SAMTOR: variants seen among roughly 807,000 people sequenced by gnomAD.
SAMTOR encodes the protein S-adenosylmethionine sensor upstream of mTORC1.
the SAMTOR span, among the ~76,000 whole-genome samples, chr7:112,902,397 C>A: frequency 4.6e-5 from 3 of 65,926 alleles, no homozygotes; most frequent in Admixed American, 2.5e-4. Context: ...GCCTGGGCAA[C>A]AAGAGCAAAA....
the SAMTOR span, among the ~76,000 whole-genome samples, chr7:112,822,656 A>G: frequency 7.2e-5 from 11 of 152,242 alleles, no homozygotes; most frequent in African/African-American, 2.4e-4. Context: ...TGGGACTTAC[A>G]TGAATTTTAA....
At chr7:112,912,151 G>A in the SAMTOR span, among the ~76,000 whole-genome samples, 1 of 151,880 alleles carries the variant, frequency 6.6e-6, no homozygotes. Flanking sequence ...ACGGTGTTGT[G>A]GTTATGTAGA....
chr7:112,870,370 C>T, the SAMTOR span, among the ~76,000 whole-genome samples: 4 of 152,226 alleles, frequency 2.6e-5, no homozygotes, highest in South Asian at 2.1e-4. Flanking sequence ...ATTGGGCTCC[C>T]GCTCCCTGCC....
At chr7:112,896,082 A>G in the SAMTOR span, among the ~76,000 whole-genome samples, 1 of 152,204 alleles carries the variant, frequency 6.6e-6, no homozygotes, top group South Asian at 2.1e-4. Flanking sequence ...CAGAAGGAAT[A>G]GTAGTTGCAG....
chr7:112,858,067 G>T, the SAMTOR span, among the ~76,000 whole-genome samples: 1 of 152,128 alleles, frequency 6.6e-6, no homozygotes, highest in Non-Finnish European at 1.5e-5. Flanking sequence ...TAGGAGGCAG[G>T]ACCACCATTT....
the SAMTOR span, among the ~76,000 whole-genome samples, chr7:112,916,809 A>C: frequency 3.0e-4 from 45 of 152,202 alleles, 1 homozygote; most frequent in Non-Finnish European, 1.2e-4. Flanking sequence ...CCTGACTCGG[A>C]GGGTCCTACG....
At chr7:112,925,468 C>A in the SAMTOR span, among the ~76,000 whole-genome samples, 4 of 152,276 alleles carry the variant, frequency 2.6e-5, no homozygotes, top group East Asian at 5.8e-4. Flanking sequence ...AACATATTTT[C>A]TTTTCCTTTC....
chr7:112,923,985 T>A, the SAMTOR span, among the ~76,000 whole-genome samples: 1 of 150,480 alleles, frequency 6.6e-6, no homozygotes, highest in Non-Finnish European at 1.5e-5. Flanking sequence ...TAGGTGGGAA[T>A]TGAATAATGA....
At chr7:112,916,388 T>C in the SAMTOR span, among the ~76,000 whole-genome samples, 2 of 152,196 alleles carry the variant, frequency 1.3e-5, no homozygotes, top group Admixed American at 1.3e-4. Flanking sequence ...GTTAGGTTCT[T>C]ACACCCCATA....
the SAMTOR span, among the ~76,000 whole-genome samples, chr7:112,916,879 C>T: frequency 8.5e-5 from 13 of 152,298 alleles, no homozygotes; most frequent in African/African-American, 2.9e-4. Context: ...AAGGCGGCAG[C>T]GAGACTGGGG....
At chr7:112,911,085 G>A in the SAMTOR span, among the ~76,000 whole-genome samples, 7 of 152,102 alleles carry the variant, frequency 4.6e-5, no homozygotes, top group Non-Finnish European at 1.5e-5. Context: ...CTGGATTAAA[G>A]GGAAATGGCA....
chr7:112,889,812 C>T, the SAMTOR span, among the ~76,000 whole-genome samples: 1 of 152,150 alleles, frequency 6.6e-6, no homozygotes, highest in South Asian at 2.1e-4. Flanking sequence ...CTCACCACCC[C>T]CAACCCCTGC....
the SAMTOR span, among the ~76,000 whole-genome samples, chr7:112,917,687 T>A: frequency 3.3e-5 from 5 of 152,074 alleles, no homozygotes; most frequent in African/African-American, 1.2e-4. Context: ...GGCAAAGAAG[T>A]TAAAAACTTT....
the SAMTOR span, among the ~76,000 whole-genome samples, chr7:112,847,214 G>C: frequency 6.6e-6 from 1 of 152,180 alleles, no homozygotes; most frequent in Non-Finnish European, 1.5e-5. Context: ...TTTGTGGTTA[G>C]ATATCTGGAT....
At chr7:112,908,540 C>T in the SAMTOR span, among the ~76,000 whole-genome samples, 1 of 152,152 alleles carries the variant, frequency 6.6e-6, no homozygotes, top group Admixed American at 6.5e-5. Context: ...CATCCTATTG[C>T]TTCTGTTTCT....
chr7:112,909,721 G>A, the SAMTOR span, among the ~76,000 whole-genome samples: 3 of 151,564 alleles, frequency 2.0e-5, no homozygotes, highest in South Asian at 2.1e-4. Context: ...CAAGTCCTTC[G>A]GTGTAACAGA....
At chr7:112,929,714 TGA>T in the SAMTOR span, among the ~76,000 whole-genome samples, 1 of 151,960 alleles carries the variant, frequency 6.6e-6, no homozygotes, top group Non-Finnish European at 1.5e-5. Context: ...CATGTGAGAC[TGA>T]GAGTATAGAG....
the SAMTOR span, among the ~76,000 whole-genome samples, chr7:112,912,197 G>T: frequency 6.6e-6 from 1 of 151,966 alleles, no homozygotes; most frequent in African/African-American, 2.4e-5. Flanking sequence ...TGTGCTAATA[G>T]ATTTAGGGAT....
chr7:112,903,541 T>C, the SAMTOR span, among the ~76,000 whole-genome samples: 4 of 152,124 alleles, frequency 2.6e-5, no homozygotes, highest in Non-Finnish European at 5.9e-5. Flanking sequence ...TAATGCTAAA[T>C]TTCTGGAGTG....
Sources: gnomAD v4.1 joint callset for allele counts (sites outside exome capture counted in the v4.1 genomes callset) on GRCh38, gnomAD v4.1.1 for gene constraint, MANE v1.5 for transcripts, NCBI Gene and HGNC (gene_info 2026-07-23, HGNC 2026-07-21) for gene names.